ACYP2: variants seen among roughly 807,000 people sequenced by gnomAD.
The protein encoded by ACYP2 is acylphosphatase 2, also known as acylphosphatase-2.
Under a neutral mutation model 11.2 loss-of-function variants are expected in ACYP2, and 12 were observed. The ratio of observed to expected loss-of-function variants is 1.08; its 90% CI spans 0.69 to 1.74. The LOEUF (loss-of-function observed/expected upper bound fraction) is 1.74. Among genes scored for constraint, ACYP2 ranks in the 40% most tolerant of loss-of-function variants. ACYP2 has a pLI of 0.00. For missense variants in ACYP2, 134 were observed against 101.9 expected, an observed-to-expected ratio of 1.31 and a Z score of -1.35; for synonymous variants, 43 against 32.2, an observed-to-expected ratio of 1.33 and a Z score of -1.13.
intron 6 of ACYP2, chr2:54,255,280 C>G (rs1360800937): frequency 4.3e-6 from 7 of 1,614,056 alleles, no homozygotes; most frequent in African/African-American, 1.3e-5. Flanking sequence ...AAACTTGCAG[C>G]CTGTCCTAGG....
rs1051111374 is a variant in ACYP2, at chr2:54,051,611, G to A, written c.155+561G>A. On this transcript the variant is annotated intron_variant, in intron 3 of 6. Coordinates refer to ENST00000607452, the MANE Select transcript of ACYP2 (RefSeq NM_001320586.2). ...ACTAGGAGAGATGTGGAATGACACTGCTGCAGGTGACAAGCAGCCTTATGA... is the reference window on the plus strand; with the variant it reads ...ACTAGGAGAGATGTGGAATGACACTACTGCAGGTGACAAGCAGCCTTATGA... 9.4e-6 allele frequency: 7 copies of A among 743,490 alleles called. No homozygotes were observed. In the African/African-American group the frequency reaches 1.2e-4, roughly 13 times the overall value. 46.1% of individuals were successfully genotyped at this position (743,490 alleles called of 1,614,324 possible). A position where few individuals can be genotyped will look rare whatever the true frequency, so the allele number is the denominator to read the frequency against.
At chr2:54,049,153 C>G (rs964559236) in intron 2 of ACYP2, among the ~76,000 whole-genome samples, 7 of 152,060 alleles carry the variant, frequency 4.6e-5, no homozygotes, top group African/African-American at 1.7e-4. Flanking sequence ...TCCAGCTACT[C>G]AGGAGGGTAA....
At chr2:53,977,112 A>G (rs1465538092) in intron 2 of ACYP2, among the ~76,000 whole-genome samples, 1 of 152,038 alleles carries the variant, frequency 6.6e-6, no homozygotes, top group Non-Finnish European at 1.5e-5. Context: ...CAGTGGCATG[A>G]TCTGGGCTCA....
At chr2:54,148,138 TC>T (rs1681980046) in intron 6 of ACYP2, among the ~76,000 whole-genome samples, 1 of 152,138 alleles carries the variant, frequency 6.6e-6, no homozygotes, top group Non-Finnish European at 1.5e-5. Context: ...GTGTTGCTTT[TC>T]CTGACCCACC....
At chr2:54,239,903 T>C in intron 6 of ACYP2, among the ~76,000 whole-genome samples, 1 of 149,914 alleles carries the variant, frequency 6.7e-6, no homozygotes, top group Non-Finnish European at 1.5e-5. Flanking sequence ...TATTCACTTC[T>C]TTATTTTTAA....
chr2:54,280,600 G>A (rs779568200), intron 6 of ACYP2, among the ~76,000 whole-genome samples: 2 of 152,136 alleles, frequency 1.3e-5, no homozygotes, highest in Non-Finnish European at 2.9e-5. Flanking sequence ...CAGGAGGGAG[G>A]CAAAAGGGTA....
At chr2:54,014,860 A>G (rs995211984) in intron 2 of ACYP2, among the ~76,000 whole-genome samples, 2 of 152,044 alleles carry the variant, frequency 1.3e-5, no homozygotes, top group African/African-American at 4.8e-5. Flanking sequence ...CTTGGCCTCA[A>G]GCAGTCCTCC....
chr2:54,264,425 A>G (rs1687924183), intron 6 of ACYP2, among the ~76,000 whole-genome samples: 1 of 152,154 alleles, frequency 6.6e-6, no homozygotes, highest in Admixed American at 6.5e-5. Context: ...GCTAGGCAGA[A>G]AAGTTTTCCA....
At chr2:54,088,855 T>C (rs542650524) in intron 4 of ACYP2, among the ~76,000 whole-genome samples, 2 of 152,310 alleles carry the variant, frequency 1.3e-5, no homozygotes, top group Admixed American at 1.3e-4. Context: ...AAGGACAAAG[T>C]TGTGTTTTGA....
At position 54,008,155 on chromosome 2, in the gene ACYP2, C is replaced by T. The variant is rs528866789; in HGVS notation, c.62+34345C>T. ...CTCCCTATGGTTAGACTACCATGTG[C>T]TCTGAGGCTTAATGCCTCTTTCCTA... On this transcript the variant is annotated intron_variant, in intron 2 of 6. Transcript: ENST00000607452. Among the ~76,000 whole-genome samples, 4 of 152,350 alleles carry T rather than the reference C, an allele frequency of 2.6e-5. No homozygotes were observed. The East Asian group carries it at 7.7e-4, about 29-fold the overall frequency.
intron 2 of ACYP2, chr2:53,975,343 T>A: frequency 2.5e-6 from 1 of 398,430 alleles, no homozygotes; most frequent in Non-Finnish European, 4.4e-6. Context: ...GGTCTCTTCC[T>A]CTTATTCTAA....
At chr2:54,103,950 AC>A (rs991151612) in intron 4 of ACYP2, among the ~76,000 whole-genome samples, 1 of 152,236 alleles carries the variant, frequency 6.6e-6, no homozygotes, top group African/African-American at 2.4e-5. Flanking sequence ...TACACTGAAT[AC>A]AGATGCCAGT....
chr2:54,209,519 A>C (rs548397629), intron 6 of ACYP2, among the ~76,000 whole-genome samples: 37 of 152,282 alleles, frequency 2.4e-4, no homozygotes, highest in African/African-American at 8.9e-4. Context: ...GTTTGGACTC[A>C]TTTTCTTTGG....
intron 2 of ACYP2, among the ~76,000 whole-genome samples, chr2:54,003,485 C>A (rs970229040): frequency 3.3e-5 from 5 of 152,144 alleles, no homozygotes; most frequent in Non-Finnish European, 7.4e-5. Flanking sequence ...GTCTTGAACT[C>A]CTGACCTCCA....
chr2:54,122,519 T>G (rs1680219477), intron 4 of ACYP2, among the ~76,000 whole-genome samples: 1 of 152,192 alleles, frequency 6.6e-6, no homozygotes, highest in Non-Finnish European at 1.5e-5. Context: ...GGAAAAAGTA[T>G]GGGGAGGCCA....
intron 6 of ACYP2, among the ~76,000 whole-genome samples, chr2:54,216,639 G>C (rs1030733526): frequency 6.6e-6 from 1 of 151,850 alleles, no homozygotes; most frequent in African/African-American, 2.4e-5. Flanking sequence ...CTGAGTTCAA[G>C]CGATTTTCAT....
intron 6 of ACYP2, among the ~76,000 whole-genome samples, chr2:54,157,920 G>A (rs1682506853): frequency 6.6e-6 from 1 of 152,134 alleles, no homozygotes; most frequent in Non-Finnish European, 1.5e-5. Flanking sequence ...GCAGGTAGTG[G>A]GATCATCTGC....
At chr2:54,144,129 C>G (rs1258130754) in intron 6 of ACYP2, among the ~76,000 whole-genome samples, 1 of 151,998 alleles carries the variant, frequency 6.6e-6, no homozygotes, top group Admixed American at 6.6e-5. Context: ...ACCACCATGT[C>G]CAACTAATTT....
chr2:54,262,263 C>T (rs1275777327), intron 6 of ACYP2, among the ~76,000 whole-genome samples: 2 of 152,182 alleles, frequency 1.3e-5, no homozygotes, highest in African/African-American at 4.8e-5. Context: ...AATGATGCAA[C>T]TGCTGTTACA....
Sources: allele counts gnomAD v4.1 joint callset (sites outside exome capture counted in the v4.1 genomes callset), GRCh38; gene constraint gnomAD v4.1.1; transcripts MANE v1.5; gene names NCBI Gene and HGNC (gene_info 2026-07-23, HGNC 2026-07-21).